Variants in CDH8 observed in about 807,000 individuals in gnomAD.
CDH8 encodes cadherin 8, also known as cadherin-8.
Under a neutral mutation model 68.1 loss-of-function variants are expected in CDH8, and 17 were observed. That is an observed-to-expected ratio of 0.25 (90% CI 0.17 to 0.37). The LOEUF (loss-of-function observed/expected upper bound fraction) is 0.37. Ranked by LOEUF, CDH8 falls within the 10% of genes least tolerant of loss-of-function variation. The pLI is 1.00. For synonymous variants in CDH8, 372 were observed against 365.1 expected (o/e 1.02, Z -0.21); for missense variants, 763 against 999.3 (o/e 0.76, Z 3.19).
intron 8 of CDH8, among the ~76,000 whole-genome samples, chr16:61,784,323 A>C (rs527409703): frequency 6.7e-6 from 1 of 150,306 alleles, no homozygotes; most frequent in Non-Finnish European, 1.5e-5. Flanking sequence ...ACCAACAAAG[A>C]TCAAAAGAGA....
intron 2 of CDH8, among the ~76,000 whole-genome samples, chr16:61,961,920 TC>T (rs1371527555): frequency 6.6e-6 from 1 of 152,134 alleles, no homozygotes; most frequent in African/African-American, 2.4e-5. Flanking sequence ...CAACTTTGAC[TC>T]CCCCAAAAAA....
At chr16:61,824,560 T>A (rs975922038) in intron 5 of CDH8, among the ~76,000 whole-genome samples, 1 of 151,856 alleles carries the variant, frequency 6.6e-6, no homozygotes, top group Non-Finnish European at 1.5e-5. Flanking sequence ...GGAGTCTTAC[T>A]GATGTCCTCC....
intron 3 of CDH8, among the ~76,000 whole-genome samples, chr16:61,900,536 A>C (rs1963950975): frequency 6.6e-6 from 1 of 152,178 alleles, no homozygotes; most frequent in African/African-American, 2.4e-5. Flanking sequence ...CCAAAGAGGG[A>C]GAAACAAGAA....
At chr16:61,908,042 C>CAA (rs547459147) in intron 2 of CDH8, among the ~76,000 whole-genome samples, 47 of 91,314 alleles carry the variant, frequency 5.1e-4, no homozygotes, top group Middle Eastern at 5.9e-3. Flanking sequence ...GACTCAGTCT[C>CAA]AAAAAAAAAA....
intron 10 of CDH8, among the ~76,000 whole-genome samples, chr16:61,662,087 G>GTTTTTTTTTTTTTTTTTTTGT: frequency 2.2e-5 from 2 of 92,790 alleles, no homozygotes; most frequent in African/African-American, 4.0e-5. Context: ...TTTTACTTTA[G>GTTTTTTTTTTTTTTTTTTTGT]TTTTTTTTTT....
intron 8 of CDH8, among the ~76,000 whole-genome samples, chr16:61,762,533 T>G (rs917946286): frequency 1.3e-5 from 2 of 152,152 alleles, no homozygotes; most frequent in Non-Finnish European, 2.9e-5. Flanking sequence ...GGTCAATGGT[T>G]TGCAACTAGT....
At chr16:61,703,092 T>C (rs910020498) in intron 10 of CDH8, among the ~76,000 whole-genome samples, 5 of 152,170 alleles carry the variant, frequency 3.3e-5, no homozygotes, top group Non-Finnish European at 7.4e-5. Flanking sequence ...AAATCATAGA[T>C]ATGTAAACAT....
chr16:61,913,367 A>G (rs1291803801), intron 2 of CDH8, among the ~76,000 whole-genome samples: 2 of 152,188 alleles, frequency 1.3e-5, no homozygotes, highest in African/African-American at 4.8e-5. Context: ...TCAATTTGTC[A>G]TCTAGATTAT....
chr16:61,680,671 A>T (rs1963996247), intron 10 of CDH8, among the ~76,000 whole-genome samples: 2 of 151,806 alleles, frequency 1.3e-5, no homozygotes, highest in Admixed American at 1.3e-4. Context: ...GGCACCTATG[A>T]CATATGTAAT....
At chr16:61,959,984 G>GTATATATATATATATATATATA (rs1181394965) in intron 2 of CDH8, among the ~76,000 whole-genome samples, 7 of 44,536 alleles carry the variant, frequency 1.6e-4, no homozygotes, top group Admixed American at 4.6e-4. Flanking sequence ...GTGTGTGTGT[G>GTATATATATATATATATATATA]TATATATATA....
intron 3 of CDH8, among the ~76,000 whole-genome samples, chr16:61,892,607 T>C (rs111830225): frequency 7.2e-5 from 11 of 152,272 alleles, no homozygotes; most frequent in African/African-American, 2.6e-4. Context: ...AGTAGAAATA[T>C]ACAGACAAAT....
At chr16:61,668,547 G>A (rs1373168646) in intron 10 of CDH8, among the ~76,000 whole-genome samples, 1 of 151,834 alleles carries the variant, frequency 6.6e-6, no homozygotes, top group Admixed American at 6.6e-5. Flanking sequence ...AATTTCTATT[G>A]TGTTTGAATG....
chr16:61,793,900 A>G (rs1472350151), intron 7 of CDH8, among the ~76,000 whole-genome samples: 1 of 151,942 alleles, frequency 6.6e-6, no homozygotes, highest in Non-Finnish European at 1.5e-5. Flanking sequence ...TACGGTTTAT[A>G]AGCCATCCAG....
chr16:61,978,204 TCA>T, intron 2 of CDH8, among the ~76,000 whole-genome samples: 1 of 152,300 alleles, frequency 6.6e-6, no homozygotes, highest in African/African-American at 2.4e-5. Flanking sequence ...CATAGTAGCC[TCA>T]CAGTGCTGAA....
chr16:61,938,039 G>A (rs536117348), intron 2 of CDH8: 5 of 152,214 alleles, frequency 3.3e-5, no homozygotes, highest in African/African-American at 1.2e-4. Context: ...GAGACAAATG[G>A]TATAATTCAG....
chr16:61,863,601 C>A (rs1963196136), intron 3 of CDH8, among the ~76,000 whole-genome samples: 1 of 152,120 alleles, frequency 6.6e-6, no homozygotes, highest in Non-Finnish European at 1.5e-5. Context: ...AATGTGCCCA[C>A]TGGAAAAGCT....
At chr16:61,826,768 T>C (rs550119795) in intron 4 of CDH8, among the ~76,000 whole-genome samples, 10 of 151,938 alleles carry the variant, frequency 6.6e-5, no homozygotes, top group African/African-American at 2.4e-4. Context: ...ACAATGCACC[T>C]ACACAGGGAG....
intron 8 of CDH8, among the ~76,000 whole-genome samples, chr16:61,763,121 A>T (rs1960508867): frequency 6.6e-6 from 1 of 152,128 alleles, no homozygotes. Context: ...GTAAAAGAAC[A>T]ACAGGAAAGA....
At chr16:61,845,019 T>C (rs936899437) in intron 4 of CDH8, among the ~76,000 whole-genome samples, 5 of 152,184 alleles carry the variant, frequency 3.3e-5, no homozygotes, top group African/African-American at 1.2e-4. Flanking sequence ...ATAAGAACTG[T>C]ATGGGGCCAC....
Sources: allele counts gnomAD v4.1 joint callset (sites outside exome capture counted in the v4.1 genomes callset), GRCh38; gene constraint gnomAD v4.1.1; transcripts MANE v1.5; gene names NCBI Gene and HGNC (gene_info 2026-07-23, HGNC 2026-07-21).